Variants in SGCZ observed in about 807,000 individuals in gnomAD.
The protein encoded by SGCZ is zeta-sarcoglycan.
A neutral mutation model predicts 41.3 loss-of-function variants in SGCZ; 40 were observed. That is an observed-to-expected ratio of 0.97 (90% CI 0.75 to 1.26). The LOEUF (loss-of-function observed/expected upper bound fraction) is 1.26, where lower values mean the gene tolerates loss of function less well. Ranked by LOEUF, SGCZ falls within the 50% of genes most tolerant of loss-of-function variation. The probability of loss-of-function intolerance (pLI) is 0.00; values close to 1 mark genes in which losing one functional copy is unlikely to be tolerated. For synonymous variants in SGCZ, 206 were observed against 137.5 expected, an observed-to-expected ratio of 1.50 and a Z score of -3.49; for missense variants, 552 against 369.8, an observed-to-expected ratio of 1.49 and a Z score of -4.04.
intron 3 of SGCZ, among the ~76,000 whole-genome samples, chr8:14,278,384 A>G (rs1800307079): frequency 6.6e-6 from 1 of 152,156 alleles, no homozygotes; most frequent in Admixed American, 6.6e-5. Context: ...TATAGTCACA[A>G]CATCCATGTG....
chr8:14,566,417 C>G (rs761340547), intron 1 of SGCZ, among the ~76,000 whole-genome samples: 4 of 98,096 alleles, frequency 4.1e-5, no homozygotes, highest in Non-Finnish European at 1.0e-4. Context: ...CCTGCTGGGT[C>G]GATTCCCTAC....
intron 1 of SGCZ, among the ~76,000 whole-genome samples, chr8:15,091,298 G>C (rs1223343456): frequency 6.6e-6 from 1 of 152,174 alleles, no homozygotes; most frequent in Non-Finnish European, 1.5e-5. Flanking sequence ...GAGACTAATA[G>C]TGTGTGTTAC....
chr8:15,034,659 T>C (rs1803806453), intron 1 of SGCZ, among the ~76,000 whole-genome samples: 1 of 152,164 alleles, frequency 6.6e-6, no homozygotes, highest in Non-Finnish European at 1.5e-5. Flanking sequence ...CAAAACATAC[T>C]ATAACCAAAT....
chr8:14,262,330 T>G (rs992395945), intron 3 of SGCZ, among the ~76,000 whole-genome samples: 1 of 152,200 alleles, frequency 6.6e-6, no homozygotes, highest in Non-Finnish European at 1.5e-5. Flanking sequence ...TTACGTTGTT[T>G]AAATAATTCT....
intron 1 of SGCZ, among the ~76,000 whole-genome samples, chr8:15,101,416 G>C (rs1452074784): frequency 6.6e-6 from 1 of 152,032 alleles, no homozygotes; most frequent in Non-Finnish European, 1.5e-5. Flanking sequence ...CAACCTAACT[G>C]AGAAATAGGC....
At chr8:14,201,536 A>G (rs751556413) in intron 4 of SGCZ, among the ~76,000 whole-genome samples, 1 of 152,198 alleles carries the variant, frequency 6.6e-6, no homozygotes, top group Non-Finnish European at 1.5e-5. Flanking sequence ...CAAAGGCTAC[A>G]TATTGTGTGA....
chr8:14,392,546 G>C (rs1252442820), intron 2 of SGCZ, among the ~76,000 whole-genome samples: 1 of 152,168 alleles, frequency 6.6e-6, no homozygotes, highest in Non-Finnish European at 1.5e-5. Context: ...ATTCATTTCA[G>C]ATATAGGGGT....
chr8:14,220,928 T>C (rs1806170961), intron 4 of SGCZ, among the ~76,000 whole-genome samples: 1 of 152,162 alleles, frequency 6.6e-6, no homozygotes, highest in Admixed American at 6.5e-5. Flanking sequence ...GAAGTAACCA[T>C]GTTGTCATTG....
At chr8:15,067,087 A>T (rs1277754979) in intron 1 of SGCZ, among the ~76,000 whole-genome samples, 1 of 152,228 alleles carries the variant, frequency 6.6e-6, no homozygotes, top group African/African-American at 2.4e-5. Flanking sequence ...ACCTATGTAG[A>T]TGATTGTGTG....
At chr8:14,937,849 T>C (rs1800133589) in intron 1 of SGCZ, among the ~76,000 whole-genome samples, 1 of 152,122 alleles carries the variant, frequency 6.6e-6, no homozygotes. Context: ...TCAGGAATGT[T>C]ATAAAGGCAT....
At chr8:14,210,303 C>T (rs1464806002) in intron 4 of SGCZ, among the ~76,000 whole-genome samples, 2 of 152,114 alleles carry the variant, frequency 1.3e-5, no homozygotes, top group Non-Finnish European at 2.9e-5. Flanking sequence ...AAGTGATCCA[C>T]CTGCCTCGGC....
chr8:14,210,147 T>A (rs1440316461), intron 4 of SGCZ, among the ~76,000 whole-genome samples: 3 of 152,150 alleles, frequency 2.0e-5, no homozygotes, highest in Admixed American at 2.0e-4. Flanking sequence ...AACCTCCGCC[T>A]ACCAGGCTCA....
intron 1 of SGCZ, among the ~76,000 whole-genome samples, chr8:14,612,864 T>G (rs1188487205): frequency 6.6e-6 from 1 of 152,106 alleles, no homozygotes; most frequent in East Asian, 1.9e-4. Context: ...TTTTTGTATT[T>G]TAGTAGATAC....
At chr8:15,231,384 C>A (rs1801933394) in intron 1 of SGCZ, among the ~76,000 whole-genome samples, 1 of 151,970 alleles carries the variant, frequency 6.6e-6, no homozygotes, top group African/African-American at 2.4e-5. Context: ...TGTTTAGGAG[C>A]CTCAAGAAAA....
chr8:14,560,654 T>C (rs1365343282), intron 1 of SGCZ, among the ~76,000 whole-genome samples: 1 of 152,090 alleles, frequency 6.6e-6, no homozygotes, highest in Non-Finnish European at 1.5e-5. Context: ...TATTTCAATA[T>C]GAAGGTGAAA....
At chr8:15,041,326 A>G (rs1468569430) in intron 1 of SGCZ, among the ~76,000 whole-genome samples, 1 of 152,022 alleles carries the variant, frequency 6.6e-6, no homozygotes, top group Non-Finnish European at 1.5e-5. Context: ...AACCTAGATA[A>G]GCATATAATT....
chr8:14,828,004 T>G (rs1429270668), intron 1 of SGCZ, among the ~76,000 whole-genome samples: 1 of 152,242 alleles, frequency 6.6e-6, no homozygotes, highest in Non-Finnish European at 1.5e-5. Context: ...TCGTACTACT[T>G]GTTTAACATG....
chr8:15,194,501 G>T (rs1800654876), intron 1 of SGCZ, among the ~76,000 whole-genome samples: 1 of 152,150 alleles, frequency 6.6e-6, no homozygotes. Flanking sequence ...GGACTTTGCA[G>T]ATGTCATTAA....
chr8:14,862,535 GAT>G (rs59769861), intron 1 of SGCZ, among the ~76,000 whole-genome samples: 4,740 of 61,190 alleles, frequency 0.077, 144 homozygotes, highest in African/African-American at 0.08. Flanking sequence ...GCATCTTTAA[GAT>G]ATATATATAT....
Sources: gnomAD v4.1 joint callset for allele counts (sites outside exome capture counted in the v4.1 genomes callset) on GRCh38, gnomAD v4.1.1 for gene constraint, MANE v1.5 for transcripts, NCBI Gene and HGNC (gene_info 2026-07-23, HGNC 2026-07-21) for gene names.